SOX5: variants seen among roughly 807,000 people sequenced by gnomAD.
SOX5 encodes SRY-box transcription factor 5, also known as transcription factor SOX-5.
In SOX5, 9 loss-of-function variants were observed where a neutral mutation model predicts 92.0. The ratio of observed to expected loss-of-function variants is 0.10; its 90% CI spans 0.06 to 0.17. SOX5 has a LOEUF of 0.17. SOX5 is among the 10% of genes least tolerant of loss of function. The pLI is 1.00. For synonymous variants in SOX5, 344 were observed against 336.3 expected (o/e 1.02, Z -0.25); for missense variants, 642 against 944.5 (o/e 0.68, Z 4.20).
intron 3 of SOX5, among the ~76,000 whole-genome samples, chr12:24,215,528 G>A (rs1345400966): frequency 6.6e-6 from 1 of 151,604 alleles, no homozygotes; most frequent in East Asian, 1.9e-4. Context: ...AAAATACTTC[G>A]GAATAAATTT....
intron 2 of SOX5, chr12:24,368,330 G>T (rs1427044058): frequency 6.6e-6 from 1 of 152,020 alleles, no homozygotes; most frequent in East Asian, 1.9e-4. Context: ...AATTTAATCT[G>T]CCCTATTACT....
chr12:24,135,913 A>G (rs1011111159), intron 4 of SOX5, among the ~76,000 whole-genome samples: 2 of 152,194 alleles, frequency 1.3e-5, no homozygotes, highest in Non-Finnish European at 2.9e-5. Context: ...CTGAGACTAA[A>G]ATGGATGTAT....
At chr12:24,511,103 C>T (rs1224002223) in intron 1 of SOX5, among the ~76,000 whole-genome samples, 1 of 152,120 alleles carries the variant, frequency 6.6e-6, no homozygotes, top group Non-Finnish European at 1.5e-5. Flanking sequence ...AGAAGACAAA[C>T]AATAAATTAC....
intron 2 of SOX5, among the ~76,000 whole-genome samples, chr12:24,332,390 G>C (rs1268191082): frequency 1.3e-5 from 2 of 152,068 alleles, no homozygotes; most frequent in Admixed American, 1.3e-4. Flanking sequence ...TGAGGGAAAA[G>C]AACAATACTT....
At chr12:23,744,514 T>C (rs188963744) in intron 4 of SOX5, among the ~76,000 whole-genome samples, 136 of 152,284 alleles carry the variant, frequency 8.9e-4, no homozygotes, top group African/African-American at 3.2e-3. Context: ...TCAATTTCCT[T>C]CTCAACTACC....
intron 2 of SOX5, among the ~76,000 whole-genome samples, chr12:23,861,777 T>C (rs1392223268): frequency 1.3e-5 from 2 of 152,204 alleles, no homozygotes; most frequent in African/African-American, 4.8e-5. Flanking sequence ...GGTACTGCTA[T>C]GCCTACCAGC....
chr12:24,171,058 G>A (rs1001684153), intron 4 of SOX5, among the ~76,000 whole-genome samples: 6 of 151,266 alleles, frequency 4.0e-5, no homozygotes, highest in Admixed American at 3.9e-4. Context: ...ACTAGGTGCT[G>A]TAGCAATGGG....
At chr12:24,009,107 T>C (rs1475960457) in intron 4 of SOX5, among the ~76,000 whole-genome samples, 1 of 152,222 alleles carries the variant, frequency 6.6e-6, no homozygotes, top group African/African-American at 2.4e-5. Context: ...GTCAGCCATA[T>C]AAGCGAAGAA....
chr12:23,566,785 T>G (rs1428012292), intron 10 of SOX5, among the ~76,000 whole-genome samples: 3 of 152,242 alleles, frequency 2.0e-5, no homozygotes, highest in Non-Finnish European at 4.4e-5. Flanking sequence ...TGAAAGCTAT[T>G]CAGTAACTGT....
chr12:24,277,562 T>TAC (rs1944642116), intron 2 of SOX5, among the ~76,000 whole-genome samples: 2 of 74,864 alleles, frequency 2.7e-5, no homozygotes, highest in East Asian at 5.3e-4. Flanking sequence ...TATATTTATA[T>TAC]ATTAAATATA....
intron 4 of SOX5, among the ~76,000 whole-genome samples, chr12:24,194,317 C>T (rs188421578): frequency 8.1e-4 from 124 of 152,152 alleles, no homozygotes; most frequent in Admixed American, 2.6e-3. Flanking sequence ...AACCTATTAT[C>T]TGATGAAATA....
intron 6 of SOX5, among the ~76,000 whole-genome samples, chr12:23,720,644 A>G (rs1394100685): frequency 1.3e-5 from 2 of 152,224 alleles, no homozygotes; most frequent in African/African-American, 4.8e-5. Flanking sequence ...TTATGAACCA[A>G]TGAAATATAT....
intron 4 of SOX5, among the ~76,000 whole-genome samples, chr12:24,012,927 T>C (rs1407275050): frequency 1.3e-5 from 2 of 152,142 alleles, no homozygotes; most frequent in Admixed American, 6.6e-5. Flanking sequence ...ATAGGAACTA[T>C]TGATAAATCA....
chr12:23,595,192 G>A (rs1952172580), intron 9 of SOX5, among the ~76,000 whole-genome samples: 1 of 152,042 alleles, frequency 6.6e-6, no homozygotes, highest in Non-Finnish European at 1.5e-5. Context: ...TGTAAACATA[G>A]GGTGCTATAG....
At chr12:23,555,336 C>T (rs1409590701) in intron 11 of SOX5, among the ~76,000 whole-genome samples, 1 of 151,982 alleles carries the variant, frequency 6.6e-6, no homozygotes, top group African/African-American at 2.4e-5. Context: ...TCTGAAAGCC[C>T]AATTTGGCAT....
chr12:24,074,776 T>A (rs1215333893), intron 4 of SOX5, among the ~76,000 whole-genome samples: 1 of 152,166 alleles, frequency 6.6e-6, no homozygotes. Context: ...GAAGCATTTA[T>A]CACACTTCTC....
intron 4 of SOX5, among the ~76,000 whole-genome samples, chr12:23,966,525 A>T (rs1264763225): frequency 3.3e-5 from 5 of 152,184 alleles, no homozygotes; most frequent in Admixed American, 2.6e-4. Context: ...TTAATTAGCA[A>T]ATAGGCCAAT....
At chr12:23,764,954 A>G (rs903295642) in intron 3 of SOX5, among the ~76,000 whole-genome samples, 1 of 152,074 alleles carries the variant, frequency 6.6e-6, no homozygotes, top group African/African-American at 2.4e-5. Context: ...AGATATGAAC[A>G]ATAAAAGCTG....
At chr12:23,858,728 GA>G (rs775391458) in intron 2 of SOX5, among the ~76,000 whole-genome samples, 6 of 152,144 alleles carry the variant, frequency 3.9e-5, no homozygotes, top group Non-Finnish European at 7.4e-5. Context: ...GCATTCTACA[GA>G]AACCTGCATG....
Sources: allele counts gnomAD v4.1 joint callset (sites outside exome capture counted in the v4.1 genomes callset), GRCh38; gene constraint gnomAD v4.1.1; transcripts MANE v1.5; gene names NCBI Gene and HGNC (gene_info 2026-07-23, HGNC 2026-07-21).